The following CILK1 variants were observed in gnomAD, a reference collection of about 807,000 sequenced individuals.
CILK1 encodes the protein ciliogenesis associated kinase 1, also known as serine/threonine-protein kinase ICK.
A neutral mutation model predicts 79.2 loss-of-function variants in CILK1; 47 were observed. That is an observed-to-expected ratio of 0.59 (90% CI 0.47 to 0.76). The LOEUF is 0.76. CILK1 is among the 30% of genes least tolerant of loss of function. CILK1 has a pLI of 0.00. For synonymous variants in CILK1, 266 were observed against 275.9 expected, an observed-to-expected ratio of 0.96 and a Z score of 0.36; for missense variants, 660 against 769.5, an observed-to-expected ratio of 0.86 and a Z score of 1.68.
At chr6:53,009,229 C>T (rs1313780130) in intron 12 of CILK1, among the ~76,000 whole-genome samples, 1 of 152,198 alleles carries the variant, frequency 6.6e-6, no homozygotes, top group East Asian at 1.9e-4. Flanking sequence ...TCCCCAGCTA[C>T]CCTGGAAGGC....
At chr6:53,056,893 C>T (rs1178361657) in intron 1 of CILK1, among the ~76,000 whole-genome samples, 1 of 152,184 alleles carries the variant, frequency 6.6e-6, no homozygotes, top group African/African-American at 2.4e-5. Context: ...GACAACTGTA[C>T]TGGGACTAGG....
intron 5 of CILK1, among the ~76,000 whole-genome samples, chr6:53,026,706 C>T (rs1036267422): frequency 2.0e-5 from 3 of 152,184 alleles, no homozygotes; most frequent in African/African-American, 7.2e-5. Context: ...AATAAGCCTA[C>T]TTCTTCCTTT....
chr6:53,033,827 G>A (rs1241810875), intron 3 of CILK1, among the ~76,000 whole-genome samples: 2 of 152,112 alleles, frequency 1.3e-5, no homozygotes, highest in Non-Finnish European at 2.9e-5. Flanking sequence ...TCAAGCAGCT[G>A]GCGAGAGAGA....
intron 5 of CILK1, among the ~76,000 whole-genome samples, chr6:53,025,255 A>G (rs1765499432): frequency 6.6e-6 from 1 of 152,116 alleles, no homozygotes; most frequent in Non-Finnish European, 1.5e-5. Context: ...CTTATGTGGC[A>G]GTTCCGTTAT....
At chr6:53,016,400 T>C (rs752425305) in intron 7 of CILK1, 150 bp from the exon 8 acceptor site, 9 of 724,766 alleles carry the variant, frequency 1.2e-5, no homozygotes, top group Non-Finnish European at 2.0e-5. Context: ...TGGCACTGTA[T>C]GGAATGAGAC....
At chr6:53,026,627 A>G (rs1765598989) in intron 5 of CILK1, among the ~76,000 whole-genome samples, 1 of 152,180 alleles carries the variant, frequency 6.6e-6, no homozygotes, top group South Asian at 2.1e-4. Flanking sequence ...ATCGGTGAGG[A>G]GGTGGTAATA....
chr6:53,008,587 G>A (rs1343356998), intron 12 of CILK1, among the ~76,000 whole-genome samples: 1 of 151,904 alleles, frequency 6.6e-6, no homozygotes, highest in Non-Finnish European at 1.5e-5. Context: ...CACCATGCCT[G>A]GCTAATTTTT....
At chr6:53,030,650 T>C (rs1354936719) in intron 5 of CILK1, among the ~76,000 whole-genome samples, 4 of 152,252 alleles carry the variant, frequency 2.6e-5, no homozygotes, top group African/African-American at 9.6e-5. Context: ...TACATTTTGT[T>C]AGACTACTTT....
At chr6:53,034,366 A>C (rs181063755) in intron 3 of CILK1, among the ~76,000 whole-genome samples, 4 of 152,200 alleles carry the variant, frequency 2.6e-5, no homozygotes, top group African/African-American at 9.7e-5. Context: ...TAATATAAAA[A>C]GAATTAATTT....
chr6:53,003,350 ATAT>A lies in CILK1; in HGVS notation c.*1796_*1798del, dbSNP rs1353997175. On this transcript the variant is annotated 3_prime_UTR_variant, in exon 14 of 14. Transcript: ENST00000676107. ...CATGGTTATTTGTTCAGAATGCAAC[ATAT>A]TATTAATACACCAAGGCAATAATTT... The A allele has an allele frequency of 6.6e-6, 1 of 152,294 alleles. No homozygotes were observed. Among genetic ancestry groups the A allele is most frequent in the African/African-American group, 2.4e-5 (1 of 41,470 alleles). The allele number at this position is 152,294 out of a possible 1,614,324, so 9.4% of individuals were successfully genotyped here.
intron 5 of CILK1, among the ~76,000 whole-genome samples, chr6:53,029,702 G>C (rs1052204724): frequency 6.6e-6 from 1 of 152,124 alleles, no homozygotes; most frequent in East Asian, 1.9e-4. Flanking sequence ...GGCCAGCCTG[G>C]GCAGCATATT....
chr6:53,056,181 T>C (rs1015712484), intron 1 of CILK1, among the ~76,000 whole-genome samples: 6 of 152,254 alleles, frequency 3.9e-5, no homozygotes, highest in African/African-American at 1.4e-4. Context: ...GACAGCCACA[T>C]GTTATCAGTA....
intron 5 of CILK1, among the ~76,000 whole-genome samples, chr6:53,030,596 T>C (rs1330931292): frequency 6.6e-6 from 1 of 152,244 alleles, no homozygotes; most frequent in East Asian, 1.9e-4. Context: ...TGTCTCTTTT[T>C]TTAGTTTGCT....
chr6:53,039,451 T>C (rs1226549932), intron 2 of CILK1, among the ~76,000 whole-genome samples: 2 of 152,158 alleles, frequency 1.3e-5, no homozygotes, highest in Admixed American at 1.3e-4. Flanking sequence ...GGTAGTTTAT[T>C]TGGGAGGTGA....
chr6:53,026,567 G>A (rs567424198), intron 5 of CILK1, among the ~76,000 whole-genome samples: 17 of 152,270 alleles, frequency 1.1e-4, no homozygotes, highest in African/African-American at 3.9e-4. Context: ...AAGTAGGGAG[G>A]CAGACATGGC....
At chr6:53,024,654 T>C (rs1263181791) in intron 5 of CILK1, among the ~76,000 whole-genome samples, 1 of 152,142 alleles carries the variant, frequency 6.6e-6, no homozygotes, top group African/African-American at 2.4e-5. Flanking sequence ...ACTCAGAGTG[T>C]TCAAAACATT....
chr6:53,027,807 C>A (rs1765669830), intron 5 of CILK1, among the ~76,000 whole-genome samples: 1 of 151,984 alleles, frequency 6.6e-6, no homozygotes, highest in Admixed American at 6.6e-5. Context: ...GAGTTGGAGA[C>A]CAGGCTGGCC....
In CILK1 at chr6:53,061,743, C is replaced by CGCA. The variant is rs1768485578; in HGVS notation, c.-321_-320insTGC. 6.6e-6 allele frequency: 1 copy of CGCA among 152,284 alleles called. No homozygotes were observed. Among genetic ancestry groups the CGCA allele is most frequent in the African/African-American group, 2.4e-5 (1 of 41,468 alleles). 9.4% of individuals were successfully genotyped at this position (152,284 alleles called of 1,614,324 possible). A position where few individuals can be genotyped will look rare whatever the true frequency, so the allele number is the denominator to read the frequency against. On this transcript the variant is annotated 5_prime_UTR_variant, in exon 1 of 14. Transcript: ENST00000676107. ...CTCCGTACAGGGACGCCCGCGAGGTCCGGCGAGTCGCACGGGCCGCACGGC... is the reference window on the plus strand; with the variant it reads ...CTCCGTACAGGGACGCCCGCGAGGTCGCACGGCGAGTCGCACGGGCCGCACGGC...
intron 1 of CILK1, among the ~76,000 whole-genome samples, chr6:53,056,849 G>C (rs951717465): frequency 1.3e-5 from 2 of 152,178 alleles, no homozygotes; most frequent in African/African-American, 2.4e-5. Flanking sequence ...CACCCTCACT[G>C]TCATCCCGTC....
Sources: gnomAD v4.1 joint callset for allele counts (sites outside exome capture counted in the v4.1 genomes callset) on GRCh38, gnomAD v4.1.1 for gene constraint, MANE v1.5 for transcripts, NCBI Gene and HGNC (gene_info 2026-07-23, HGNC 2026-07-21) for gene names.